CTNNBL1: variants seen among roughly 807,000 people sequenced by gnomAD.
CTNNBL1 encodes the protein catenin beta like 1, also known as beta-catenin-like protein 1.
A neutral mutation model predicts 72.7 loss-of-function variants in CTNNBL1; 31 were observed. The observed-to-expected ratio is 0.43, with a 90% confidence interval of 0.32 to 0.58. CTNNBL1 has a LOEUF of 0.58. Among genes scored for constraint, CTNNBL1 ranks in the 20% least tolerant of loss-of-function variants. The pLI is 0.08. For missense variants in CTNNBL1, 534 were observed against 725.1 expected (o/e 0.74, Z 3.03); for synonymous variants, 240 against 267.3 (o/e 0.90, Z 1.00).
intron 10 of CTNNBL1, among the ~76,000 whole-genome samples, chr20:37,798,071 T>C (rs76371791): frequency 0.049 from 7,413 of 152,228 alleles, 272 homozygotes; most frequent in Non-Finnish European, 0.073. Flanking sequence ...CTTTTCTCAG[T>C]CTGCCCATTC....
intron 11 of CTNNBL1, among the ~76,000 whole-genome samples, chr20:37,830,765 C>A (rs1313285772): frequency 6.6e-6 from 1 of 152,142 alleles, no homozygotes; most frequent in East Asian, 1.9e-4. Context: ...ATGCACAGAA[C>A]CCTTACATTA....
intron 11 of CTNNBL1, among the ~76,000 whole-genome samples, chr20:37,816,720 T>C (rs1418911168): frequency 6.6e-6 from 1 of 152,052 alleles, no homozygotes; most frequent in East Asian, 1.9e-4. Context: ...GAAAGAAAAG[T>C]ATGGTAATTT....
At chr20:37,830,625 C>T (rs976745646) in intron 11 of CTNNBL1, among the ~76,000 whole-genome samples, 4 of 152,134 alleles carry the variant, frequency 2.6e-5, no homozygotes, top group Non-Finnish European at 5.9e-5. Flanking sequence ...ACATAGGACT[C>T]ATGCTCCTCA....
intron 11 of CTNNBL1, among the ~76,000 whole-genome samples, chr20:37,816,981 A>G (rs2072065760): frequency 6.6e-6 from 1 of 152,176 alleles, no homozygotes; most frequent in African/African-American, 2.4e-5. Flanking sequence ...CGATAGTGTG[A>G]TAGTGTCTCA....
intron 10 of CTNNBL1, among the ~76,000 whole-genome samples, chr20:37,781,585 G>T (rs1352622415): frequency 2.6e-5 from 4 of 152,114 alleles, no homozygotes; most frequent in African/African-American, 7.2e-5. Context: ...AGCAGATTCA[G>T]CATTTCCTTT....
chr20:37,795,383 C>T (rs2073764218), intron 10 of CTNNBL1, among the ~76,000 whole-genome samples: 1 of 152,072 alleles, frequency 6.6e-6, no homozygotes, highest in Non-Finnish European at 1.5e-5. Flanking sequence ...TTATAGTTTT[C>T]AAACATTTTT....
intron 13 of CTNNBL1, among the ~76,000 whole-genome samples, chr20:37,857,165 A>G (rs2072450151): frequency 6.6e-6 from 1 of 152,258 alleles, no homozygotes; most frequent in Non-Finnish European, 1.5e-5. Flanking sequence ...GCAGGAAGTC[A>G]TGATTATGAG....
chr20:37,839,635 G>C (rs2072284613), intron 11 of CTNNBL1, among the ~76,000 whole-genome samples: 1 of 152,192 alleles, frequency 6.6e-6, no homozygotes. Context: ...GATAGCACTG[G>C]GTCCCTATCA....
chr20:37,718,632 C>T (rs867832408), intron 1 of CTNNBL1, among the ~76,000 whole-genome samples: 86 of 152,218 alleles, frequency 5.6e-4, no homozygotes, highest in Middle Eastern at 3.4e-3. Flanking sequence ...GCTGGCCAGG[C>T]GGGGGGCTGA....
chr20:37,751,432 G>T (rs908641327), intron 4 of CTNNBL1: 1 of 152,074 alleles, frequency 6.6e-6, no homozygotes, highest in African/African-American at 2.4e-5. Flanking sequence ...TTTAGGGAGT[G>T]GTCATTAACA....
At chr20:37,786,716 T>C (rs1336061126) in intron 10 of CTNNBL1, among the ~76,000 whole-genome samples, 1 of 152,204 alleles carries the variant, frequency 6.6e-6, no homozygotes, top group African/African-American at 2.4e-5. Context: ...TTTCCAAGTT[T>C]GTGAGTTAAA....
intron 13 of CTNNBL1, among the ~76,000 whole-genome samples, chr20:37,847,195 T>C (rs2072354153): frequency 6.6e-6 from 1 of 152,208 alleles, no homozygotes; most frequent in Non-Finnish European, 1.5e-5. Context: ...TATAGCAATA[T>C]TTCATAAGGA....
In CTNNBL1 at chr20:37,782,547, T is replaced by C. The variant is rs1464843510; in HGVS notation, c.1031+3212T>C. ...ACAGCACTATCCAGTCGAAATGTAA[T>C]GTGAGATAGGTAATTTTACATTTTG... is the stretch of plus-strand genomic sequence containing the variant. On this transcript the variant is annotated intron_variant, in intron 10 of 15. Transcript: ENST00000361383. Among the ~76,000 whole-genome samples the C allele has an allele frequency of 2.6e-5, 4 of 152,342 alleles. No individual in the cohort carries two copies. In the East Asian group the frequency reaches 7.7e-4, roughly 29 times the overall value.
At chr20:37,821,216 T>C (rs545176710) in intron 11 of CTNNBL1, among the ~76,000 whole-genome samples, 2 of 152,214 alleles carry the variant, frequency 1.3e-5, no homozygotes, top group African/African-American at 2.4e-5. Flanking sequence ...TTTCCATTTC[T>C]GTTCTGAGAC....
At chr20:37,793,584 G>A (rs543550332) in intron 10 of CTNNBL1, among the ~76,000 whole-genome samples, 14 of 152,314 alleles carry the variant, frequency 9.2e-5, no homozygotes, top group South Asian at 8.3e-4. Flanking sequence ...AAATGAGGCC[G>A]TAAGAGTGGG....
At chr20:37,840,300 A>G (rs1600521334) in intron 12 of CTNNBL1, 101 bp downstream of exon 12, 2 of 866,300 alleles carry the variant, frequency 2.3e-6, no homozygotes, top group East Asian at 5.3e-5. Context: ...CCTACCCTAA[A>G]ATTCTCTTTT....
chr20:37,696,678 G>A (rs919538182), intron 1 of CTNNBL1, among the ~76,000 whole-genome samples: 36 of 151,786 alleles, frequency 2.4e-4, no homozygotes, highest in African/African-American at 8.4e-4. Context: ...CCCAACCTCA[G>A]GTGATCTGCC....
intron 15 of CTNNBL1, among the ~76,000 whole-genome samples, chr20:37,863,295 C>G (rs182187074): frequency 1.4e-3 from 220 of 152,312 alleles, no homozygotes; most frequent in African/African-American, 5.1e-3. Context: ...AGGAACTACT[C>G]AGCTGGCCCT....
chr20:37,824,342 G>A (rs1005161534), intron 11 of CTNNBL1, among the ~76,000 whole-genome samples: 1 of 152,224 alleles, frequency 6.6e-6, no homozygotes, highest in Admixed American at 6.5e-5. Context: ...GCGAAAAGAA[G>A]GGAATGCACC....
Sources: gnomAD v4.1 joint callset for allele counts (sites outside exome capture counted in the v4.1 genomes callset) on GRCh38, gnomAD v4.1.1 for gene constraint, MANE v1.5 for transcripts, NCBI Gene and HGNC (gene_info 2026-07-23, HGNC 2026-07-21) for gene names.